Variants in KMT2B observed in about 807,000 individuals in gnomAD.
KMT2B encodes the protein histone-lysine N-methyltransferase 2B.
Under a neutral mutation model 255.3 loss-of-function variants are expected in KMT2B, and 22 were observed. The ratio of observed to expected loss-of-function variants is 0.09; its 90% CI spans 0.06 to 0.12. The LOEUF (loss-of-function observed/expected upper bound fraction) is 0.12, where lower values mean the gene tolerates loss of function less well. Ranked by LOEUF, KMT2B falls within the 10% of genes least tolerant of loss-of-function variation. The pLI is 1.00. For missense variants in KMT2B, 3,149 were observed against 3,737.0 expected (o/e 0.84, Z 4.10); for synonymous variants, 1,730 against 1,498.1 (o/e 1.15, Z -3.57).
chr19:35,724,960 C>T (rs1328346441), intron 9 of KMT2B, 29 bp from the exon 10 acceptor site: 1 of 1,504,084 alleles, frequency 6.6e-7, no homozygotes, highest in Admixed American at 1.7e-5. Context: ...AGGCTGGCAG[C>T]TCTGAATTCC....
Position 35,736,904 on chromosome 19 carries a change from C to T in KMT2B, c.7298-8C>T. On this transcript the variant is annotated splice_region_variant and splice_polypyrimidine_tract_variant and intron_variant, in intron 31 of 36. Transcript: ENST00000420124. ...CCTGACTCAGCTCTGGCTCTGCTGT[C>T]TCCCCAGGGGCGTGGAGAACTCTGA... 1 of 1,613,946 alleles carries T rather than the reference C, an allele frequency of 6.2e-7. No individual in the cohort carries two copies. The highest frequency in any genetic ancestry group is 8.5e-7 in the Non-Finnish European group (1 of 1,179,870).
chr19:35,723,898 A>G lies in KMT2B; in HGVS notation c.3225A>G (p.Ser1075=). The part of the protein sequence containing the change: ...EEQDSLLQRK[S]ARRCVKQRPS... ...AGGACTCCCTCCTGCAGCGCAAGTC[A>G]GCTCGGCGCTGCGTCAAACAGCGAC... The change falls in exon 8 of 37, where the codon TCA becomes TCG. Residue 1075 remains serine, a synonymous_variant. Coordinates refer to ENST00000420124, the MANE Select transcript of KMT2B (RefSeq NM_014727.3). This position sits in a 1 kb window ranked among gnomAD's most constrained non-coding sequence, Gnocchi z 7.5. The G allele has an allele frequency of 6.2e-7, 1 of 1,611,740 alleles. No homozygotes were observed. Among genetic ancestry groups the G allele is most frequent in the Non-Finnish European group, 8.5e-7 (1 of 1,179,420 alleles).
At chr19:35,722,274 A>G in intron 3 of KMT2B, 85 bp from the exon 4 acceptor site, 1 of 1,378,190 alleles carries the variant, frequency 7.3e-7, no homozygotes, top group African/African-American at 1.4e-5. Context: ...AAGTGCTGGG[A>G]TTACAGGCAT....
In KMT2B at chr19:35,725,972, G is replaced by A. The variant is rs1969422886; in HGVS notation, c.3885+154G>A. ...TTTCCTCTTCAAAAATTTCACATAG[G>A]TCAGATTTATATTCAGAATTTGCAT... On this transcript the variant is annotated intron_variant, in intron 13 of 36. Coordinates refer to ENST00000420124, the MANE Select transcript of KMT2B (RefSeq NM_014727.3). The surrounding 1 kb of genome is among the most constrained non-coding windows in gnomAD (Gnocchi z 4.1). 6.6e-6 allele frequency among the ~76,000 whole-genome samples: 1 copy of A among 152,164 alleles called. No individual in the cohort carries two copies. The highest frequency in any genetic ancestry group is 2.4e-5 in the African/African-American group (1 of 41,438).
intron 14 of KMT2B, 84 bp downstream of exon 14, chr19:35,726,437 T>C (rs1969449775): frequency 2.2e-6 from 2 of 892,456 alleles, no homozygotes; most frequent in Admixed American, 1.8e-5. Context: ...CAGACCCTCT[T>C]TTCTCATGGC....
At position 35,719,591 on chromosome 19, in the gene KMT2B, C is replaced by T. The variant is rs1273385001; in HGVS notation, c.436+50C>T. On this transcript the variant is annotated intron_variant, in intron 2 of 36. Transcript: ENST00000420124. ...CTTTAGCGTCACAGGAATTTATCCT[C>T]GCCCTTCGTGTCAGCTCTTCCCTGT... 13 of 1,543,342 alleles carry T rather than the reference C, an allele frequency of 8.4e-6. No homozygotes were observed. The South Asian group carries it at 1.4e-4, about 16-fold the overall frequency.
rs964145361 is a variant in KMT2B at position 35,718,562 on chromosome 19, A to C, written c.363+181A>C. Among the ~76,000 whole-genome samples the C allele has an allele frequency of 6.6e-6, 1 of 152,200 alleles. No individual in the cohort carries two copies. Among genetic ancestry groups the C allele is most frequent in the Admixed American group, 6.5e-5 (1 of 15,294 alleles). On this transcript the variant is annotated intron_variant, in intron 1 of 36. Coordinates refer to ENST00000420124, the MANE Select transcript of KMT2B (RefSeq NM_014727.3). The surrounding 1 kb of genome is among the most constrained non-coding windows in gnomAD (Gnocchi z 5.0). ...GGGGAAAGGGCCTCTGGAAGTGGGT[A>C]GAGAAGCCCCGGCTGCAGCCAGGCA...
chr19:35,719,671 T>C, intron 2 of KMT2B, 113 bp from the exon 3 acceptor site: 2 of 1,516,528 alleles, frequency 1.3e-6, no homozygotes, highest in Non-Finnish European at 1.8e-6. Flanking sequence ...TCCAAGCTAG[T>C]CTGGGCAGCG....
In KMT2B at chr19:35,727,433, C is replaced by G. The variant is rs770879681; in HGVS notation, c.4118-5C>G. 2 of 1,613,334 alleles carry G rather than the reference C, an allele frequency of 1.2e-6. No individual in the cohort carries two copies. The highest frequency in any genetic ancestry group is 3.3e-5 in the Admixed American group (2 of 60,024). On this transcript the variant is annotated splice_polypyrimidine_tract_variant and splice_region_variant and intron_variant, in intron 15 of 36. Coordinates refer to ENST00000420124, the MANE Select transcript of KMT2B (RefSeq NM_014727.3). This position sits in a 1 kb window ranked among gnomAD's most constrained non-coding sequence, Gnocchi z 4.2. ...ACTTTTCCCTTTCCCACTTGGCTAT[C>G]CTAGATGAAGACTACGAGATCCTTT...
At position 35,723,064 on chromosome 19, in the gene KMT2B, G is replaced by A. The variant is rs1404105899; in HGVS notation, c.2792G>A (p.Gly931Asp). The change falls in exon 6 of 37, where the codon GGC (glycine) becomes GAC (aspartate). Residue 931 changes from glycine to aspartate, a missense_variant. Physicochemically the swap from Gly to Asp is moderately conservative, Grantham distance 94. Around this residue, in one of 18 missense-constraint regions of KMT2B, gnomAD observed 132 missense variants for 174.7 expected, o/e 0.76. Coordinates refer to ENST00000420124, the MANE Select transcript of KMT2B (RefSeq NM_014727.3). The surrounding 1 kb of genome is among the most constrained non-coding windows in gnomAD (Gnocchi z 7.5). ...CGGCGGGGAAAGGTGGAGGCAGCAG[G>A]CCCTGGGGGAGAATCAGAGCCCACA... is the stretch of plus-strand genomic sequence containing the variant. ...RSRRGKVEAA[G>D]PGGESEPTGS... 1 of 1,612,940 alleles carries A rather than the reference G, an allele frequency of 6.2e-7. No individual in the cohort carries two copies. The highest frequency in any genetic ancestry group is 1.1e-5 in the South Asian group (1 of 91,066).
In KMT2B at chr19:35,718,550, C is replaced by G. The variant is rs1032189984; in HGVS notation, c.363+169C>G. The stretch of plus-strand genomic sequence containing the variant: ...ATGCAGCTTCCGGGGGAAAGGGCCT[C>G]TGGAAGTGGGTAGAGAAGCCCCGGC... On this transcript the variant is annotated intron_variant, in intron 1 of 36. Coordinates refer to ENST00000420124, the MANE Select transcript of KMT2B (RefSeq NM_014727.3). The surrounding 1 kb of genome is among the most constrained non-coding windows in gnomAD (Gnocchi z 5.0). 8.5e-5 allele frequency among the ~76,000 whole-genome samples: 13 copies of G among 152,190 alleles called. No homozygotes were observed. The highest frequency in any genetic ancestry group is 2.7e-4 in the African/African-American group (11 of 41,452).
In KMT2B at chr19:35,732,441, C is replaced by G; in HGVS notation, c.5892C>G (p.Ala1964=). 6.2e-7 allele frequency: 1 copy of G among 1,613,828 alleles called. No individual in the cohort carries two copies. Among genetic ancestry groups the G allele is most frequent in the Non-Finnish European group, 8.5e-7 (1 of 1,179,794 alleles). ...TSGELAPPGP[A]PSPPPPEDLG... is the part of the protein sequence containing the mutation. ...GGGAGCTGGCTCCCCCTGGCCCGGC[C>G]CCATCTCCACCACCCCCTGAAGACC... is the stretch of plus-strand genomic sequence containing the variant. Residue 1964 remains alanine, a synonymous_variant, in exon 28 of 37, where the codon GCC becomes GCG. Transcript: ENST00000420124.
chr19:35,732,203 C>T lies in KMT2B; in HGVS notation c.5666-12C>T, dbSNP rs767791971. The T allele has an allele frequency of 1.9e-6, 3 of 1,577,928 alleles. No individual in the cohort carries two copies. The highest frequency in any genetic ancestry group is 2.6e-6 in the Non-Finnish European group (3 of 1,157,680). ...GTGGGAGCTGCTGGTAACACCAACC[C>T]TCCCCCCACAGGAAGTCCATCTTCA... is the stretch of plus-strand genomic sequence containing the variant. On this transcript the variant is annotated splice_polypyrimidine_tract_variant and intron_variant, in intron 27 of 36. Transcript: ENST00000420124.
chr19:35,730,928 T>G, intron 26 of KMT2B, 61 bp downstream of exon 26: 1 of 1,481,072 alleles, frequency 6.8e-7, no homozygotes. Context: ...CCTACAGATC[T>G]CTGTTCCCCG....
Position 35,718,171 on chromosome 19 carries a change from T to C in KMT2B, c.153T>C (p.Gly51=). The C allele has an allele frequency of 9.1e-7, 1 of 1,093,200 alleles. No individual in the cohort carries two copies. Among genetic ancestry groups the C allele is most frequent in the Non-Finnish European group, 1.1e-6 (1 of 900,692 alleles). 67.7% of individuals were successfully genotyped at this position (1,093,200 alleles called of 1,614,324 possible). ...TGCGGGTAGCTCTGCGGCGCGGCGG[T>C]GGCGCGACGGGGCCGGGCGGAGCCG... The part of the protein sequence containing the change: ...ERVRVALRRG[G]GATGPGGAEP... The change falls in exon 1 of 37, where the codon GGT becomes GGC. Residue 51 remains glycine (G), a synonymous_variant. Coordinates refer to ENST00000420124, the MANE Select transcript of KMT2B (RefSeq NM_014727.3). This position sits in a 1 kb window ranked among gnomAD's most constrained non-coding sequence, Gnocchi z 5.0.
rs762334731 is a variant in KMT2B at position 35,718,283 on chromosome 19, G to A, written c.265G>A (p.Val89Ile). ...CCGCCGCCTGTGGGCCGGCCCGCGG[G>A]TCCAGCGGGGCCGGGGACGGGGTCG... The part of the protein sequence containing the change: ...RLRRLWAGPR[V>I]QRGRGRGRGR... Residue 89 changes from valine (V) to isoleucine (I), a missense_variant, in exon 1 of 37, where the codon GTC (valine) becomes ATC (isoleucine). By Grantham distance (29) the Val-to-Ile change is conservative (BLOSUM62 3). Coordinates refer to ENST00000420124, the MANE Select transcript of KMT2B (RefSeq NM_014727.3). The surrounding 1 kb of genome is among the most constrained non-coding windows in gnomAD (Gnocchi z 5.0). 9.8e-6 allele frequency: 12 copies of A among 1,225,550 alleles called. No homozygotes were observed. In the African/African-American group the frequency reaches 1.7e-4, roughly 18 times the overall value. The allele number at this position is 1,225,550 out of a possible 1,614,324, so 75.9% of individuals were successfully genotyped here. A position where few individuals can be genotyped will look rare whatever the true frequency, so the allele number is the denominator to read the frequency against.
At chr19:35,726,609 C>CA (rs1969460990) in intron 14 of KMT2B, among the ~76,000 whole-genome samples, 1 of 152,120 alleles carries the variant, frequency 6.6e-6, no homozygotes, top group South Asian at 2.1e-4. Flanking sequence ...CCTGGAACCT[C>CA]ACGTCTCCAT....
Position 35,737,259 on chromosome 19 carries a change from C to A in KMT2B, c.7546C>A (p.Leu2516Ile). 1 of 1,521,750 alleles carries A rather than the reference C, an allele frequency of 6.6e-7. No homozygotes were observed. Among genetic ancestry groups the A allele is most frequent in the Non-Finnish European group, 8.8e-7 (1 of 1,134,754 alleles). The allele number at this position is 1,521,750 out of a possible 1,614,324, so 94.3% of individuals were successfully genotyped here. A position where few individuals can be genotyped will look rare whatever the true frequency, so the allele number is the denominator to read the frequency against. Residue 2516 changes from leucine to isoleucine, a missense_variant, in exon 33 of 37, where the codon CTC becomes ATC. Leu to Ile is a conservative substitution (Grantham distance 5). This residue lies in a region of KMT2B where 103 missense variants were observed against 200.7 expected (regional missense o/e 0.51). Transcript: ENST00000420124. This position sits in a 1 kb window ranked among gnomAD's most constrained non-coding sequence, Gnocchi z 5.3. ...PHGAARAEVY[L>I]RKCTFDMFNF... ...TGGGGCTGCTCGGGCAGAGGTCTAT[C>A]TCCGGTGAGAGGTCTGGGGTGTGAT...
chr19:35,719,392 T>G, intron 1 of KMT2B, 77 bp from the exon 2 acceptor site: 2 of 1,056,484 alleles, frequency 1.9e-6, no homozygotes, highest in Non-Finnish European at 2.8e-6. Context: ...CTGGGGATAT[T>G]CCTCGATACC....
Sources: gnomAD v4.1 joint callset for allele counts (sites outside exome capture counted in the v4.1 genomes callset) on GRCh38, gnomAD v4.1.1 for gene constraint, gnomAD v4.1.1 regional missense constraint, Gnocchi (gnomAD v3.1) non-coding constraint, MANE v1.5 for transcripts, NCBI Gene and HGNC (gene_info 2026-07-23, HGNC 2026-07-21) for gene names.